CACNA2D1: variants seen among roughly 807,000 people sequenced by gnomAD.
CACNA2D1 encodes voltage-dependent calcium channel subunit alpha-2/delta-1.
CACNA2D1 carries 53 observed loss-of-function variants against 171.5 expected under a neutral mutation model. That is an observed-to-expected ratio of 0.31 (90% CI 0.25 to 0.39). The LOEUF is 0.39. Among genes scored for constraint, CACNA2D1 ranks in the 10% least tolerant of loss-of-function variants. The pLI is 1.00. For synonymous variants in CACNA2D1, 442 were observed against 443.1 expected, an observed-to-expected ratio of 1.00 and a Z score of 0.03; for missense variants, 903 against 1,299.8, an observed-to-expected ratio of 0.69 and a Z score of 4.69.
intron 5 of CACNA2D1, among the ~76,000 whole-genome samples, chr7:82,124,492 A>G (rs924498157): frequency 1.3e-5 from 2 of 152,084 alleles, no homozygotes; most frequent in Admixed American, 1.3e-4. Context: ...TGCAGGCCAA[A>G]TCTTCTTCTG....
At chr7:82,071,370 T>C (rs899847791) in intron 7 of CACNA2D1, among the ~76,000 whole-genome samples, 1 of 152,198 alleles carries the variant, frequency 6.6e-6, no homozygotes, top group South Asian at 2.1e-4. Context: ...GGGTCAGTGA[T>C]TGTTCTGTAT....
chr7:82,309,161 T>C (rs111573744), intron 3 of CACNA2D1, among the ~76,000 whole-genome samples: 6,006 of 152,252 alleles, frequency 0.039, 165 homozygotes, highest in Middle Eastern at 0.082. Context: ...ATACCAGCAC[T>C]TTGGGAGACC....
At chr7:81,985,601 A>G (rs1796886800) in intron 21 of CACNA2D1, among the ~76,000 whole-genome samples, 1 of 152,196 alleles carries the variant, frequency 6.6e-6, no homozygotes. Context: ...ACTCATAGGC[A>G]AATTCAGATT....
At chr7:82,329,161 T>G (rs1816989487) in intron 3 of CACNA2D1, among the ~76,000 whole-genome samples, 1 of 152,148 alleles carries the variant, frequency 6.6e-6, no homozygotes, top group African/African-American at 2.4e-5. Flanking sequence ...ATAACAATCA[T>G]CTAGCACTTC....
At chr7:82,150,623 A>C (rs1793760622) in intron 4 of CACNA2D1, among the ~76,000 whole-genome samples, 1 of 152,146 alleles carries the variant, frequency 6.6e-6, no homozygotes, top group Admixed American at 6.5e-5. Flanking sequence ...AACCTAAATC[A>C]ACCCCTTTGC....
Position 81,974,484 on chromosome 7 carries a change from A to G in CACNA2D1, c.2024T>C (p.Ile675Thr), listed in dbSNP as rs1428660447. 6.4e-7 allele frequency: 1 copy of G among 1,569,070 alleles called. No individual in the cohort carries two copies. The highest frequency in any genetic ancestry group is 8.8e-7 in the Non-Finnish European group (1 of 1,140,406). The change falls in exon 25 of 39, where the codon ATT becomes ACT. Residue 675 changes from isoleucine to threonine, a missense_variant. This residue lies in a region of CACNA2D1 where 623 missense variants were observed against 925.5 expected (regional missense o/e 0.67). Coordinates refer to ENST00000356860, the MANE Select transcript of CACNA2D1 (RefSeq NM_000722.4). ...TEFLLNFNEF[I>T]DRKTPNNPSC... ...TGGGTTGTTTGGAGTTTTTCTATCA[A>G]TAAACTCGTTGAAATTTAAAAGAAA...
At chr7:82,186,079 C>G (rs564258300) in intron 3 of CACNA2D1, among the ~76,000 whole-genome samples, 3 of 151,760 alleles carry the variant, frequency 2.0e-5, no homozygotes, top group Admixed American at 6.6e-5. Context: ...TTGCTTGAAC[C>G]CGGGAGGTGG....
chr7:82,007,838 G>A, intron 15 of CACNA2D1, 82 bp from the exon 16 acceptor site: 2 of 790,932 alleles, frequency 2.5e-6, no homozygotes, highest in Non-Finnish European at 4.5e-6. Context: ...TGATATCTGA[G>A]ATTGCATTTT....
At chr7:82,190,909 G>A (rs189879449) in intron 3 of CACNA2D1, among the ~76,000 whole-genome samples, 24 of 151,714 alleles carry the variant, frequency 1.6e-4, no homozygotes, top group Admixed American at 1.4e-3. Flanking sequence ...AAAAGGGAGA[G>A]AATGCCATTG....
intron 6 of CACNA2D1, among the ~76,000 whole-genome samples, chr7:82,092,206 C>G (rs908762683): frequency 6.6e-6 from 1 of 152,142 alleles, no homozygotes; most frequent in African/African-American, 2.4e-5. Context: ...TGCTTAATCT[C>G]CTAATTTATT....
intron 18 of CACNA2D1, among the ~76,000 whole-genome samples, chr7:82,003,499 G>C (rs1310672976): frequency 6.6e-6 from 1 of 151,248 alleles, no homozygotes; most frequent in African/African-American, 2.4e-5. Flanking sequence ...CTGGTTATTA[G>C]TAGAAGAATG....
chr7:82,140,931 G>C lies in CACNA2D1; in HGVS notation c.355-4255C>G, dbSNP rs577195213. Among the ~76,000 whole-genome samples, 8 of 130,910 alleles carry C rather than the reference G, an allele frequency of 6.1e-5. No individual in the cohort carries two copies. In the East Asian group the frequency reaches 1.8e-3, roughly 29 times the overall value. 85.9% of individuals were successfully genotyped at this position (130,910 alleles called of 152,430 possible). A position where few individuals can be genotyped will look rare whatever the true frequency, so the allele number is the denominator to read the frequency against. ...GATCACGCCACTGCACTCCAGCCTA[G>C]GCGACAGAGCAAGACTCGTCTCTAA... On this transcript the variant is annotated intron_variant, in intron 4 of 38. Coordinates refer to ENST00000356860, the MANE Select transcript of CACNA2D1 (RefSeq NM_000722.4).
chr7:81,986,981 G>A (rs566525829), intron 21 of CACNA2D1, among the ~76,000 whole-genome samples: 22 of 152,060 alleles, frequency 1.4e-4, no homozygotes, highest in African/African-American at 2.7e-4. Context: ...AATTAAAACC[G>A]ATAACATTAT....
At chr7:82,115,584 G>A (rs1266130484) in intron 6 of CACNA2D1, among the ~76,000 whole-genome samples, 1 of 151,560 alleles carries the variant, frequency 6.6e-6, no homozygotes, top group African/African-American at 2.4e-5. Context: ...GTAATTATAG[G>A]TTTAAAATCA....
At chr7:82,106,719 T>G (rs986186222) in intron 6 of CACNA2D1, among the ~76,000 whole-genome samples, 1 of 152,166 alleles carries the variant, frequency 6.6e-6, no homozygotes. Context: ...AATCTAGTAT[T>G]GTAAAATACT....
intron 3 of CACNA2D1, among the ~76,000 whole-genome samples, chr7:82,229,972 C>A (rs1563230918): frequency 6.6e-6 from 1 of 152,202 alleles, no homozygotes; most frequent in Non-Finnish European, 1.5e-5. Flanking sequence ...CTTATAAGCA[C>A]AGCTCCAATT....
intron 6 of CACNA2D1, among the ~76,000 whole-genome samples, chr7:82,107,586 CTTTTTT>C: frequency 7.4e-6 from 1 of 135,668 alleles, no homozygotes; most frequent in South Asian, 2.4e-4. Flanking sequence ...TGAAAATAAA[CTTTTTT>C]TTTTTTTTTT....
intron 4 of CACNA2D1, among the ~76,000 whole-genome samples, chr7:82,145,588 T>C (rs1792923712): frequency 7.0e-6 from 1 of 143,608 alleles, no homozygotes; most frequent in African/African-American, 2.5e-5. Context: ...ATAAAATTTA[T>C]ATATGTAATT....
At position 82,161,564 on chromosome 7, in the gene CACNA2D1, A is replaced by G. The variant is rs183148606; in HGVS notation, c.354+8986T>C. 9.2e-5 allele frequency among the ~76,000 whole-genome samples: 14 copies of G among 152,164 alleles called. No individual in the cohort carries two copies. In the East Asian group the frequency reaches 2.7e-3, roughly 30 times the overall value. On this transcript the variant is annotated intron_variant, in intron 4 of 38. Coordinates refer to ENST00000356860, the MANE Select transcript of CACNA2D1 (RefSeq NM_000722.4). ...AAATTTGCAGATTAACTACATGTGGAGTTATGGCAGAGAAAGGAATTAAGA... is the reference window on the plus strand; with the variant it reads ...AAATTTGCAGATTAACTACATGTGGGGTTATGGCAGAGAAAGGAATTAAGA...
Sources: allele counts gnomAD v4.1 joint callset (sites outside exome capture counted in the v4.1 genomes callset), GRCh38; gene constraint gnomAD v4.1.1; regional missense constraint gnomAD v4.1.1; transcripts MANE v1.5; gene names NCBI Gene and HGNC (gene_info 2026-07-23, HGNC 2026-07-21).